The following NRK variants were observed in gnomAD, a reference collection of about 807,000 sequenced individuals.
The protein encoded by NRK is Nik related kinase, also known as nik-related protein kinase.
Under a neutral mutation model 125.2 loss-of-function variants are expected in NRK, and 67 were observed. That is an observed-to-expected ratio of 0.54 (90% CI 0.44 to 0.66). The LOEUF (loss-of-function observed/expected upper bound fraction) is 0.66. Ranked by LOEUF, NRK falls within the 30% of genes least tolerant of loss-of-function variation. The pLI, the probability that NRK is intolerant of heterozygous loss-of-function variation, is 0.00. For synonymous variants in NRK, 458 were observed against 429.0 expected (o/e 1.07, Z -0.84); for missense variants, 1,224 against 1,192.9 (o/e 1.03, Z -0.38).
At chrX:105,926,441 C>G (rs1479503743) in intron 19 of NRK, among the ~76,000 whole-genome samples, 1 of 111,695 alleles carries the variant, frequency 9.0e-6, no homozygotes, top group Admixed American at 9.5e-5. Context: ...GATATTTTCT[C>G]TCATTCTTCA....
At chrX:105,877,184 A>G (rs1239228763) in intron 2 of NRK, among the ~76,000 whole-genome samples, 1 of 111,578 alleles carries the variant, frequency 9.0e-6, no homozygotes, top group Non-Finnish European at 1.9e-5. Context: ...TAATCATAAG[A>G]AAACATCAGC....
At chrX:105,949,890 C>T (rs2040868971) in intron 27 of NRK, among the ~76,000 whole-genome samples, 156 bp downstream of exon 27, 1 of 111,331 alleles carries the variant, frequency 9.0e-6, no homozygotes, top group Non-Finnish European at 1.9e-5. Context: ...TAAGGTGATG[C>T]CTGTATTTGT....
chrX:105,929,289 GAT>G (rs1482062611), intron 19 of NRK, among the ~76,000 whole-genome samples: 4 of 111,072 alleles, frequency 3.6e-5, no homozygotes, highest in African/African-American at 1.3e-4. Context: ...TGTTTTATCT[GAT>G]ATAAGTGTAG....
chrX:105,888,551 T>C, intron 5 of NRK, 132 bp downstream of exon 5: 2 of 541,553 alleles, frequency 3.7e-6, no homozygotes, highest in Non-Finnish European at 5.7e-6. Flanking sequence ...GTATGGTGTA[T>C]TAATCTGGTC....
intron 24 of NRK, among the ~76,000 whole-genome samples, chrX:105,944,668 A>G (rs750080401): frequency 8.9e-6 from 1 of 111,751 alleles, no homozygotes; most frequent in Admixed American, 9.5e-5. Flanking sequence ...AGGTAAAGAA[A>G]GGTATGGTAA....
rs1245461582 is a variant in NRK, at chrX:105,909,451, T to C, written c.1810T>C (p.Leu604=). 8.3e-7 allele frequency: 1 copy of C among 1,209,110 alleles called. No individual in the cohort carries two copies. Among genetic ancestry groups the C allele is most frequent in the Admixed American group, 2.2e-5 (1 of 45,888 alleles). Residue 604 remains leucine (L), a synonymous_variant, in exon 13 of 29, where the codon TTG becomes CTG. Coordinates refer to ENST00000243300, the MANE Select transcript of NRK (RefSeq NM_198465.4). ...TCACCATGTGCTGTTGCCACTACAT[T>C]TGGATACTCAGGTGCTCATTCCAGT... ...QDHHVLLPLH[L]DTQVLIPVEG...
At chrX:105,888,553 A>C (rs1217359502) in intron 5 of NRK, 134 bp downstream of exon 5, 1 of 532,864 alleles carries the variant, frequency 1.9e-6, no homozygotes, top group Non-Finnish European at 2.9e-6. Flanking sequence ...ATGGTGTATT[A>C]ATCTGGTCTC....
chrX:105,925,115 C>A, intron 19 of NRK, 84 bp downstream of exon 19: 1 of 733,701 alleles, frequency 1.4e-6, no homozygotes, highest in Non-Finnish European at 2.0e-6. Flanking sequence ...TCTAGCCATT[C>A]CAAATAGATT....
chrX:105,895,450 C>T lies in NRK; in HGVS notation c.507C>T (p.His169=), dbSNP rs145939345. 7.2e-5 allele frequency: 86 copies of T among 1,200,579 alleles called. No individual in the cohort carries two copies. The African/African-American group carries it at 1.2e-3, about 17-fold the overall frequency. The change falls in exon 7 of 29, where the codon CAC becomes CAT. Residue 169 remains histidine, a synonymous_variant. Transcript: ENST00000243300. Reference sequence around the variant, plus strand: ...ATATACAGGGCTTAGCTCACCTTCACGCACACCGAGTAATTCACCGGGACA... The same window carrying T: ...ATATACAGGGCTTAGCTCACCTTCATGCACACCGAGTAATTCACCGGGACA... ...REILQGLAHL[H]AHRVIHRDIK...
rs368136492 is a variant in NRK at position 105,935,193 on chromosome X, C to T, written c.3523C>T (p.Pro1175Ser). 2 of 1,198,010 alleles carry T rather than the reference C, an allele frequency of 1.7e-6. No homozygotes were observed. Among genetic ancestry groups the T allele is most frequent in the East Asian group, 3.0e-5 (1 of 33,715 alleles). ...AGTATACGCTGGATTCGTAGAAGTACCTGAGGAATCACCTAAGCAACCCTC... is the reference window on the plus strand; with the variant it reads ...AGTATACGCTGGATTCGTAGAAGTATCTGAGGAATCACCTAAGCAACCCTC... ...AILYAGFVEV[P>S]EESPKQPSEV... Residue 1175 changes from proline to serine, a missense_variant, in exon 21 of 29, where the codon CCT (proline) becomes TCT (serine). Pro to Ser is a moderately conservative substitution (Grantham distance 74). Coordinates refer to ENST00000243300, the MANE Select transcript of NRK (RefSeq NM_198465.4).
intron 2 of NRK, among the ~76,000 whole-genome samples, chrX:105,837,391 G>A (rs2039279883): frequency 9.0e-6 from 1 of 111,316 alleles, no homozygotes; most frequent in South Asian, 3.7e-4. Flanking sequence ...CTTTTTCAGT[G>A]CTGCCAACCA....
At chrX:105,841,493 T>G (rs1764859640) in intron 2 of NRK, among the ~76,000 whole-genome samples, 1 of 111,612 alleles carries the variant, frequency 9.0e-6, no homozygotes, top group East Asian at 2.8e-4. Flanking sequence ...GTTAGAAAAC[T>G]AAGAAAGCTC....
At chrX:105,935,514 G>A (rs753700930) in intron 21 of NRK, among the ~76,000 whole-genome samples, 189 bp downstream of exon 21, 4 of 108,807 alleles carry the variant, frequency 3.7e-5, no homozygotes, top group East Asian at 5.7e-4. Context: ...TTGAATTGAC[G>A]GCCCCCACCT....
intron 17 of NRK, 50 bp from the exon 18 acceptor site, chrX:105,923,068 A>G: frequency 9.3e-7 from 1 of 1,076,423 alleles, no homozygotes; most frequent in African/African-American, 1.9e-5. Context: ...TCCAATCTAG[A>G]AGAAAATGAA....
Position 105,897,243 on chromosome X carries a change from C to A in NRK, c.581-1341C>A, listed in dbSNP as rs185520363. Among the ~76,000 whole-genome samples the A allele has an allele frequency of 3.5e-4, 39 of 112,452 alleles. No homozygotes were observed. In the East Asian group the frequency reaches 0.01, roughly 29 times the overall value. ...AAAATTTAATCACACATATTTTGCA[C>A]TTAATTCTTTTACAATTTGTTTTAA... On this transcript the variant is annotated intron_variant, in intron 7 of 28. Coordinates refer to ENST00000243300, the MANE Select transcript of NRK (RefSeq NM_198465.4).
intron 14 of NRK, among the ~76,000 whole-genome samples, chrX:105,914,415 G>A (rs191293645): frequency 7.2e-5 from 8 of 111,136 alleles, no homozygotes; most frequent in African/African-American, 2.3e-4. Flanking sequence ...CTTTAAGCAG[G>A]AAATGTAATG....
chrX:105,844,842 G>A (rs1302800597), intron 2 of NRK, among the ~76,000 whole-genome samples: 1 of 111,934 alleles, frequency 8.9e-6, no homozygotes, highest in African/African-American at 3.2e-5. Context: ...CTACAAAACA[G>A]GAGAATTTAT....
intron 27 of NRK, 145 bp from the exon 28 acceptor site, chrX:105,952,889 T>C: frequency 2.3e-6 from 1 of 438,053 alleles, no homozygotes; most frequent in Non-Finnish European, 3.6e-6. Flanking sequence ...GCCAAACAAC[T>C]GACTACAGGA....
At chrX:105,951,246 A>C (rs1323746910) in intron 27 of NRK, among the ~76,000 whole-genome samples, 2 of 111,242 alleles carry the variant, frequency 1.8e-5, no homozygotes, top group African/African-American at 6.5e-5. Flanking sequence ...GTTATAAGGA[A>C]ATTCAGTTCA....
Sources: allele counts gnomAD v4.1 joint callset (sites outside exome capture counted in the v4.1 genomes callset), GRCh38; gene constraint gnomAD v4.1.1; transcripts MANE v1.5; gene names NCBI Gene and HGNC (gene_info 2026-07-23, HGNC 2026-07-21).